Variants in FAT3 observed in about 807,000 individuals in gnomAD.
The protein encoded by FAT3 is protocadherin Fat 3.
A neutral mutation model predicts 310.2 loss-of-function variants in FAT3; 95 were observed. The ratio of observed to expected loss-of-function variants is 0.31; its 90% confidence interval spans 0.26 to 0.36. The LOEUF (loss-of-function observed/expected upper bound fraction) is 0.36, where lower values mean the gene tolerates loss of function less well. Among genes scored for constraint, FAT3 ranks in the 10% least tolerant of loss-of-function variants. FAT3 has a pLI of 1.00. For missense variants in FAT3, 5,408 were observed against 5,715.6 expected, an observed-to-expected ratio of 0.95 and a Z score of 1.74; for synonymous variants, 2,314 against 2,192.9, an observed-to-expected ratio of 1.06 and a Z score of -1.54.
chr11:92,787,978 C>G (rs1281994932), intron 7 of FAT3, among the ~76,000 whole-genome samples: 2 of 152,062 alleles, frequency 1.3e-5, no homozygotes, highest in Non-Finnish European at 2.9e-5. Flanking sequence ...TTTTAAAAAA[C>G]CACAGACCTT....
At position 92,801,697 on chromosome 11, in the gene FAT3, C is replaced by T. The variant is rs746613775; in HGVS notation, c.8684C>T (p.Ala2895Val). The T allele has an allele frequency of 5.0e-5, 80 of 1,613,832 alleles. No individual in the cohort carries two copies. Among genetic ancestry groups the T allele is most frequent in the Admixed American group, 2.0e-4 (12 of 60,008 alleles). The change falls in exon 10 of 28, where the codon GCC becomes GTC. Residue 2895 changes from alanine to valine, a missense_variant. Physicochemically the swap from Ala to Val is moderately conservative, Grantham distance 64. Coordinates refer to ENST00000525166, the MANE Select transcript of FAT3 (RefSeq NM_001367949.2). ...CCCACATTCACCTTCTCTGTGGTGGCCTCTGACCTTGGAGAGGCATTCTCT... is the reference window on the plus strand; with the variant it reads ...CCCACATTCACCTTCTCTGTGGTGGTCTCTGACCTTGGAGAGGCATTCTCT... ...TDPTFTFSVVASDLGEAFSLS... is the reference protein window; with the variant it reads ...TDPTFTFSVVVSDLGEAFSLS...
intron 2 of FAT3, among the ~76,000 whole-genome samples, chr11:92,475,376 T>C (rs912511962): frequency 6.6e-6 from 1 of 152,144 alleles, no homozygotes; most frequent in Non-Finnish European, 1.5e-5. Context: ...TGTCCTTGGG[T>C]CACTGATGAA....
chr11:92,765,046 G>A lies in FAT3; in HGVS notation c.4152G>A (p.Val1384=), dbSNP rs750894675. ...SDRVTEIVGV[V]SVQPANTPLW... is the part of the protein sequence containing the mutation. ...GAGTGACTGAAATTGTAGGGGTGGT[G>A]TCTGTGCAGCCAGCTAACACCCCTC... The change falls in exon 6 of 28, where the codon GTG becomes GTA. Residue 1384 remains valine (V), a synonymous_variant. Transcript: ENST00000525166. 4.8e-5 allele frequency: 77 copies of A among 1,613,394 alleles called. No homozygotes were observed. Among genetic ancestry groups the A allele is most frequent in the Non-Finnish European group, 6.1e-5 (72 of 1,179,816 alleles).
intron 21 of FAT3, among the ~76,000 whole-genome samples, chr11:92,864,040 A>T (rs1309804061): frequency 6.6e-6 from 1 of 152,058 alleles, no homozygotes; most frequent in African/African-American, 2.4e-5. Context: ...TTATTTTTGC[A>T]ACAAAAATAA....
rs1263967107 is a variant in FAT3 at position 92,799,785 on chromosome 11, A to G, written c.6772A>G (p.Ile2258Val). 7.4e-6 allele frequency: 12 copies of G among 1,612,892 alleles called. No homozygotes were observed. The East Asian group carries it at 1.6e-4, about 21-fold the overall frequency. ...YEVTSAYKLT[I>V]RASDALTGAR... Reference sequence around the variant, plus strand: ...AGTTACATCTGCTTACAAGCTGACAATAAGAGCCAGCGACGCCCTTACTGG... The same window carrying G: ...AGTTACATCTGCTTACAAGCTGACAGTAAGAGCCAGCGACGCCCTTACTGG... The change falls in exon 10 of 28, where the codon ATA becomes GTA. Residue 2258 changes from isoleucine to valine, a missense_variant. Physicochemically the swap from Ile to Val is conservative, Grantham distance 29 (BLOSUM62 3). This residue lies in a region of FAT3 where 4,588 missense variants were observed against 4,809.8 expected (regional missense o/e 0.95). Coordinates refer to ENST00000525166, the MANE Select transcript of FAT3 (RefSeq NM_001367949.2).
In FAT3 at chr11:92,889,132, T is replaced by C. The variant is rs572618868; in HGVS notation, c.13052-57T>C. The C allele has an allele frequency of 3.0e-5, 20 of 675,152 alleles. No homozygotes were observed. The African/African-American group carries it at 3.1e-4, about 10-fold the overall frequency. 41.8% of individuals were successfully genotyped at this position (675,152 alleles called of 1,614,324 possible). On this transcript the variant is annotated intron_variant, in intron 25 of 27. Transcript: ENST00000525166. ...GTTAAAATAAGGTGTGTTTAAAATA[T>C]ACAACTAACCTGAAGCTGTCCTTCC...
At chr11:92,252,944 C>T (rs1345026940) in intron 1 of FAT3, among the ~76,000 whole-genome samples, 1 of 152,136 alleles carries the variant, frequency 6.6e-6, no homozygotes, top group East Asian at 1.9e-4. Context: ...CCCTCTAGAA[C>T]TTTGGGTAGG....
intron 2 of FAT3, among the ~76,000 whole-genome samples, chr11:92,482,590 G>A (rs1591350696): frequency 6.6e-6 from 1 of 152,150 alleles, no homozygotes; most frequent in African/African-American, 2.4e-5. Flanking sequence ...TCACATGCCA[G>A]CACCACAATT....
At position 92,416,402 on chromosome 11, in the gene FAT3, GA is replaced by G. The variant is rs1455414286; in HGVS notation, c.3292+61001del. 5.4e-4 allele frequency among the ~76,000 whole-genome samples: 81 copies of G among 149,650 alleles called. No homozygotes were observed. The East Asian group carries it at 0.013, about 24-fold the overall frequency. On this transcript the variant is annotated intron_variant, in intron 2 of 27. Transcript: ENST00000525166. ...CCATCTCAAAAAAAAAAAAAAGAAA[GA>G]AAGAAAAAAAACCTTCCACGTTAAC...
At chr11:92,364,370 T>C (rs1948959881) in intron 2 of FAT3, among the ~76,000 whole-genome samples, 1 of 152,178 alleles carries the variant, frequency 6.6e-6, no homozygotes, top group Non-Finnish European at 1.5e-5. Context: ...GATGATTGCT[T>C]CATATATTTG....
chr11:92,347,767 C>T (rs189277458), intron 1 of FAT3, among the ~76,000 whole-genome samples: 2 of 152,256 alleles, frequency 1.3e-5, no homozygotes, highest in Admixed American at 6.5e-5. Flanking sequence ...GCTTGATGAT[C>T]TCTTTGGAGA....
intron 1 of FAT3, among the ~76,000 whole-genome samples, chr11:92,250,003 T>C (rs1865073665): frequency 6.6e-6 from 1 of 152,140 alleles, no homozygotes; most frequent in Non-Finnish European, 1.5e-5. Flanking sequence ...GATGAGGTGA[T>C]ACGTATGATT....
At chr11:92,778,319 T>C (rs551532219) in intron 7 of FAT3, among the ~76,000 whole-genome samples, 1 of 152,178 alleles carries the variant, frequency 6.6e-6, no homozygotes, top group South Asian at 2.1e-4. Context: ...AGCTTACCCA[T>C]TCTCTACACT....
chr11:92,277,494 G>A (rs551956512), intron 1 of FAT3, among the ~76,000 whole-genome samples: 3 of 152,234 alleles, frequency 2.0e-5, no homozygotes, highest in East Asian at 1.9e-4. Context: ...TAAAGGAAAT[G>A]TGCATACACA....
In FAT3 at chr11:92,268,135, C is replaced by T. The variant is rs190243099; in HGVS notation, c.-18+42961C>T. ...ACTGGTCCCAACTCTGTGCTAATAGCTTTCAGTACCTTATCTCATTTAATC... is the reference window on the plus strand; with the variant it reads ...ACTGGTCCCAACTCTGTGCTAATAGTTTTCAGTACCTTATCTCATTTAATC... On this transcript the variant is annotated intron_variant, in intron 1 of 27. Coordinates refer to ENST00000525166, the MANE Select transcript of FAT3 (RefSeq NM_001367949.2). Among the ~76,000 whole-genome samples, 126 of 152,012 alleles carry T rather than the reference C, an allele frequency of 8.3e-4. 1 individual carries two copies. Among genetic ancestry groups the T allele is most frequent in the African/African-American group, 2.8e-3 (115 of 41,482 alleles).
In FAT3 at chr11:92,798,015, C is replaced by T. The variant is rs1204115875; in HGVS notation, c.5002C>T (p.His1668Tyr). Residue 1668 changes from histidine to tyrosine, a missense_variant, in exon 10 of 28, where the codon CAC (histidine) becomes TAC (tyrosine). His to Tyr is a moderately conservative substitution (Grantham distance 83). This residue lies in a region of FAT3 where 4,588 missense variants were observed against 4,809.8 expected (regional missense o/e 0.95). Coordinates refer to ENST00000525166, the MANE Select transcript of FAT3 (RefSeq NM_001367949.2). ...TTCCGTCACCATGTCTGACAATTCT[C>T]ACCCCAAGTTCATTCACAAAGACTA... The part of the protein sequence containing the change: ...RISVTMSDNS[H>Y]PKFIHKDYQA... 2 of 1,613,906 alleles carry T rather than the reference C, an allele frequency of 1.2e-6. No homozygotes were observed. The highest frequency in any genetic ancestry group is 1.3e-5 in the African/African-American group (1 of 75,038).
chr11:92,631,287 A>T (rs1284652757), intron 3 of FAT3, among the ~76,000 whole-genome samples: 2 of 152,130 alleles, frequency 1.3e-5, no homozygotes, highest in Non-Finnish European at 2.9e-5. Context: ...TCTCTGTCAA[A>T]AAGGGTCACC....
intron 2 of FAT3, chr11:92,406,745 G>A (rs547287050): frequency 6.6e-6 from 1 of 152,240 alleles, no homozygotes; most frequent in East Asian, 1.9e-4. Flanking sequence ...TCCTTTCCAG[G>A]AACCAGTAAC....
intron 2 of FAT3, among the ~76,000 whole-genome samples, chr11:92,436,693 C>T (rs1950947283): frequency 6.6e-6 from 1 of 152,166 alleles, no homozygotes; most frequent in African/African-American, 2.4e-5. Flanking sequence ...CTCATCAAGA[C>T]AAGCCTCTGG....
Sources: allele counts gnomAD v4.1 joint callset (sites outside exome capture counted in the v4.1 genomes callset), GRCh38; gene constraint gnomAD v4.1.1; regional missense constraint gnomAD v4.1.1; transcripts MANE v1.5; gene names NCBI Gene and HGNC (gene_info 2026-07-23, HGNC 2026-07-21).